Variants in GRID2 observed in about 807,000 individuals in gnomAD.
The protein encoded by GRID2 is glutamate receptor ionotropic, delta-2.
In GRID2, 33 loss-of-function variants were observed where a neutral mutation model predicts 114.8. The observed-to-expected ratio is 0.29, with a 90% confidence interval of 0.22 to 0.38. The LOEUF (loss-of-function observed/expected upper bound fraction) is 0.38, where lower values mean the gene tolerates loss of function less well. GRID2 is among the 10% of genes least tolerant of loss of function. The probability of loss-of-function intolerance (pLI) is 1.00; values close to 1 mark genes in which losing one functional copy is unlikely to be tolerated. For synonymous variants in GRID2, 505 were observed against 449.9 expected, an observed-to-expected ratio of 1.12 and a Z score of -1.55; for missense variants, 1,184 against 1,257.7, an observed-to-expected ratio of 0.94 and a Z score of 0.89.
At chr4:92,446,433 G>A (rs1733474445) in intron 1 of GRID2, among the ~76,000 whole-genome samples, 1 of 152,204 alleles carries the variant, frequency 6.6e-6, no homozygotes, top group Non-Finnish European at 1.5e-5. Context: ...AAAGTGTTAA[G>A]TGTATCTTTA....
At chr4:93,079,332 T>A (rs902488071) in intron 2 of GRID2, among the ~76,000 whole-genome samples, 1 of 151,972 alleles carries the variant, frequency 6.6e-6, no homozygotes, top group Non-Finnish European at 1.5e-5. Context: ...AGAGAATCAA[T>A]GTTTTAATAC....
At position 92,934,043 on chromosome 4, in the gene GRID2, C is replaced by A. The variant is rs545763108; in HGVS notation, c.245-150952C>A. 5.3e-4 allele frequency among the ~76,000 whole-genome samples: 80 copies of A among 151,778 alleles called. 1 individual carries two copies. The South Asian group carries it at 0.015, about 29-fold the overall frequency. ...AGTTTGTAAATTTTTATTTTAATAT[C>A]TCTAAAGAATGAGTAGATTGTAATT... is the stretch of plus-strand genomic sequence containing the variant. On this transcript the variant is annotated intron_variant, in intron 2 of 15. Coordinates refer to ENST00000282020, the MANE Select transcript of GRID2 (RefSeq NM_001510.4).
intron 8 of GRID2, among the ~76,000 whole-genome samples, chr4:93,376,906 G>A (rs1158159923): frequency 2.0e-5 from 3 of 152,128 alleles, no homozygotes; most frequent in African/African-American, 7.2e-5. Flanking sequence ...GATAAGTGCA[G>A]CAAAACACCT....
At chr4:93,257,124 G>A (rs1164241353) in intron 8 of GRID2, among the ~76,000 whole-genome samples, 2 of 151,728 alleles carry the variant, frequency 1.3e-5, no homozygotes, top group South Asian at 2.1e-4. Flanking sequence ...AGCTCATTCC[G>A]AATGATCTGA....
chr4:92,649,940 T>A (rs1731842915), intron 2 of GRID2, among the ~76,000 whole-genome samples: 1 of 152,036 alleles, frequency 6.6e-6, no homozygotes, highest in African/African-American at 2.4e-5. Flanking sequence ...CTTAATACGT[T>A]CAACTTACAA....
intron 8 of GRID2, among the ~76,000 whole-genome samples, chr4:93,333,270 G>A (rs1293270789): frequency 1.3e-5 from 2 of 152,080 alleles, no homozygotes; most frequent in African/African-American, 4.8e-5. Context: ...GATTTAGAAG[G>A]TATAGAATGA....
chr4:93,535,231 TACACACAC>T (rs141785727), intron 13 of GRID2, among the ~76,000 whole-genome samples: 2,909 of 142,212 alleles, frequency 0.02, 69 homozygotes, highest in African/African-American at 0.06. Context: ...CACATACACA[TACACACAC>T]ACACACACAC....
chr4:92,325,981 G>T (rs1191814927), intron 1 of GRID2, among the ~76,000 whole-genome samples: 1 of 151,434 alleles, frequency 6.6e-6, no homozygotes, highest in East Asian at 1.9e-4. Context: ...TGAAAAGTTT[G>T]TTTTCTCCCA....
At chr4:93,212,935 G>A (rs1560993744) in intron 5 of GRID2, among the ~76,000 whole-genome samples, 1 of 151,858 alleles carries the variant, frequency 6.6e-6, no homozygotes, top group Non-Finnish European at 1.5e-5. Flanking sequence ...ACCACGCCTG[G>A]CTAATTTTTG....
rs77993446 is a variant in GRID2, at chr4:92,724,252, G to A, written c.244+133966G>A. 1.0e-2 allele frequency among the ~76,000 whole-genome samples: 1,517 copies of A among 152,168 alleles called. 22 individuals carry two copies. Among genetic ancestry groups the A allele is most frequent in the African/African-American group, 0.035 (1,454 of 41,532 alleles). ...CTATGTGTTAAGAGCAGCCTGGTCT[G>A]AGAATAAAATATTTCCATGCCACAA... On this transcript the variant is annotated intron_variant, in intron 2 of 15. Coordinates refer to ENST00000282020, the MANE Select transcript of GRID2 (RefSeq NM_001510.4).
At chr4:92,305,110 C>T (rs1397940963) in intron 1 of GRID2, among the ~76,000 whole-genome samples, 2 of 152,030 alleles carry the variant, frequency 1.3e-5, no homozygotes, top group African/African-American at 2.4e-5. Context: ...TACATTTGCT[C>T]CATTTAAAAA....
At chr4:92,756,668 T>A (rs1006437570) in intron 2 of GRID2, among the ~76,000 whole-genome samples, 2 of 152,136 alleles carry the variant, frequency 1.3e-5, no homozygotes, top group African/African-American at 4.8e-5. Flanking sequence ...TTGGTTTTGA[T>A]GAGATTTTAT....
intron 2 of GRID2, among the ~76,000 whole-genome samples, chr4:92,736,249 G>T (rs888975512): frequency 6.6e-6 from 1 of 151,962 alleles, no homozygotes; most frequent in Non-Finnish European, 1.5e-5. Flanking sequence ...AGGTGGAGGA[G>T]GCCTGTGGAT....
chr4:92,857,796 A>G (rs1049087482), intron 2 of GRID2, among the ~76,000 whole-genome samples: 1 of 152,208 alleles, frequency 6.6e-6, no homozygotes, highest in African/African-American at 2.4e-5. Flanking sequence ...TTGGATAAAC[A>G]TGCTATCTAG....
At chr4:93,092,983 G>A (rs1475082188) in intron 3 of GRID2, among the ~76,000 whole-genome samples, 1 of 152,004 alleles carries the variant, frequency 6.6e-6, no homozygotes, top group Non-Finnish European at 1.5e-5. Flanking sequence ...CAGGTGCTGA[G>A]CTTGAATGAC....
intron 8 of GRID2, among the ~76,000 whole-genome samples, chr4:93,386,711 T>C (rs532861106): frequency 6.6e-6 from 1 of 152,094 alleles, no homozygotes; most frequent in Non-Finnish European, 1.5e-5. Flanking sequence ...AAAGTTCCTA[T>C]GGTTTTATGG....
At chr4:92,812,589 CCT>C (rs1027656935) in intron 2 of GRID2, among the ~76,000 whole-genome samples, 3 of 151,816 alleles carry the variant, frequency 2.0e-5, no homozygotes, top group African/African-American at 7.3e-5. Flanking sequence ...GCATAATACC[CCT>C]GTTTTAATAA....
intron 4 of GRID2, among the ~76,000 whole-genome samples, chr4:93,142,978 G>A (rs1175375561): frequency 6.6e-6 from 1 of 152,172 alleles, no homozygotes; most frequent in East Asian, 1.9e-4. Context: ...GAGACAGGGT[G>A]GAGGACCCAA....
chr4:92,564,373 A>C (rs900066504), intron 1 of GRID2, among the ~76,000 whole-genome samples: 1 of 152,058 alleles, frequency 6.6e-6, no homozygotes, highest in South Asian at 2.1e-4. Context: ...CCCCTGAGGG[A>C]TAAAATTTTA....
Sources: allele counts gnomAD v4.1 joint callset (sites outside exome capture counted in the v4.1 genomes callset), GRCh38; gene constraint gnomAD v4.1.1; transcripts MANE v1.5; gene names NCBI Gene and HGNC (gene_info 2026-07-23, HGNC 2026-07-21).